The following CHD8 variants were observed in gnomAD, a reference collection of about 807,000 sequenced individuals.
The protein encoded by CHD8 is chromodomain helicase DNA binding protein 8.
Under a neutral mutation model 279.2 loss-of-function variants are expected in CHD8, and 31 were observed. That is an observed-to-expected ratio of 0.11 (90% CI 0.08 to 0.15). The LOEUF (loss-of-function observed/expected upper bound fraction) is 0.15. Ranked by LOEUF, CHD8 falls within the 10% of genes least tolerant of loss-of-function variation. The pLI is 1.00. For synonymous variants in CHD8, 1,081 were observed against 1,139.6 expected (o/e 0.95, Z 1.04); for missense variants, 2,146 against 3,230.5 (o/e 0.66, Z 8.14).
intron 21 of CHD8, 38 bp from the exon 22 acceptor site, chr14:21,401,109 G>C (rs1167871278): frequency 6.9e-6 from 10 of 1,448,278 alleles, no homozygotes; most frequent in Middle Eastern, 3.5e-4. Context: ...TTCTCTTCCT[G>C]ATTTGCTCAT....
chr14:21,405,864 C>T lies in CHD8; in HGVS notation c.2908G>A (p.Glu970Lys), dbSNP rs1555315362. Residue 970 changes from glutamate to lysine, a missense_variant and splice_region_variant, in exon 15 of 38, where the codon GAA becomes AAA. Glu to Lys is a moderately conservative substitution (Grantham distance 56). This residue lies in a region of CHD8 where 211 missense variants were observed against 464.7 expected (regional missense o/e 0.45). Coordinates refer to ENST00000646647, the MANE Select transcript of CHD8 (RefSeq NM_001170629.2). This position sits in a 1 kb window ranked among gnomAD's most constrained non-coding sequence, Gnocchi z 4.2. ...LLDSLKHMDLEHKVLLTGTPL... is the reference protein window; with the variant it reads ...LLDSLKHMDLKHKVLLTGTPL... Reference sequence around the variant, plus strand: ...GTTCCTGTGAGTAGCACCTTGTGTTCCTAGAAATGGAGGAAACAAAAGAAT... The same window carrying T: ...GTTCCTGTGAGTAGCACCTTGTGTTTCTAGAAATGGAGGAAACAAAAGAAT... The T allele has an allele frequency of 6.2e-7, 1 of 1,604,772 alleles. No individual in the cohort carries two copies. The highest frequency in any genetic ancestry group is 8.5e-7 in the Non-Finnish European group (1 of 1,176,446).
intron 1 of CHD8, among the ~76,000 whole-genome samples, chr14:21,452,840 C>T (rs1316792570): frequency 1.3e-5 from 2 of 149,610 alleles, no homozygotes; most frequent in Admixed American, 6.6e-5. Context: ...AAAAATTAGC[C>T]GGGCATGGTG....
chr14:21,414,884 T>C, intron 8 of CHD8, 54 bp downstream of exon 8: 1 of 1,446,218 alleles, frequency 6.9e-7, no homozygotes, highest in Non-Finnish European at 9.6e-7. Flanking sequence ...CCAGGAGAAC[T>C]TTTTACCACC....
chr14:21,407,190 A>G (rs1167677437), intron 13 of CHD8, among the ~76,000 whole-genome samples, 158 bp from the exon 14 acceptor site: 6 of 152,224 alleles, frequency 3.9e-5, no homozygotes, highest in East Asian at 1.9e-4. Context: ...AAATAGTGCC[A>G]TATCACTGAA....
chr14:21,434,194 C>T (rs1404295871), intron 1 of CHD8, among the ~76,000 whole-genome samples: 2 of 151,804 alleles, frequency 1.3e-5, no homozygotes, highest in Admixed American at 6.6e-5. Flanking sequence ...TACAGGCCTG[C>T]GCCACCACAC....
At chr14:21,428,853 G>T in intron 3 of CHD8, 111 bp downstream of exon 3, 1 of 914,794 alleles carries the variant, frequency 1.1e-6, no homozygotes. Flanking sequence ...TCAGTTCAGA[G>T]ATATAAATCT....
chr14:21,402,330 A>G lies in CHD8; in HGVS notation c.3882+6T>C, dbSNP rs373037739. 1.0e-4 allele frequency: 165 copies of G among 1,613,734 alleles called. 1 individual carries two copies. The African/African-American group carries it at 1.8e-3, about 18-fold the overall frequency. On this transcript the variant is annotated splice_donor_region_variant and intron_variant, in intron 19 of 37. Coordinates refer to ENST00000646647, the MANE Select transcript of CHD8 (RefSeq NM_001170629.2). The surrounding 1 kb of genome is among the most constrained non-coding windows in gnomAD (Gnocchi z 4.5). ...ACAAACTTATCTATAAACTAAGAGG[A>G]CTCACTCCAGTAATGTTGCCATCCC...
At chr14:21,407,631 C>T (rs1056322100) in intron 13 of CHD8, among the ~76,000 whole-genome samples, 3 of 151,458 alleles carry the variant, frequency 2.0e-5, no homozygotes, top group Non-Finnish European at 2.9e-5. Flanking sequence ...TTTTTTGAGA[C>T]ACAGTCTCAC....
At position 21,431,696 on chromosome 14, in the gene CHD8, G is replaced by T. The variant is rs938495101; in HGVS notation, c.-53C>A. On this transcript the variant is annotated 5_prime_UTR_variant, in exon 2 of 38. Transcript: ENST00000646647. ...CCAAGGTCTAGGGAGGGAAGGGGAG[G>T]GGGGGTACTGGCTCTCCCCTCCCCT... 81 of 1,594,962 alleles carry T rather than the reference G, an allele frequency of 5.1e-5. No homozygotes were observed. The highest frequency in any genetic ancestry group is 4.0e-4 in the East Asian group (18 of 44,502).
At chr14:21,387,254 G>C (rs1390115570) in intron 37 of CHD8, among the ~76,000 whole-genome samples, 1 of 151,472 alleles carries the variant, frequency 6.6e-6, no homozygotes, top group African/African-American at 2.4e-5. Context: ...GGGAGGCTGA[G>C]GCAGGTGGAT....
rs56229026 is a variant in CHD8, at chr14:21,399,870, T to C, written c.4817+111A>G. On this transcript the variant is annotated intron_variant, in intron 25 of 37. Transcript: ENST00000646647. Reference sequence around the variant, plus strand: ...CAAGTATAAGATTAAAGACCTGATATATAGATTTAAATTATCAGGTATCCC... The same window carrying C: ...CAAGTATAAGATTAAAGACCTGATACATAGATTTAAATTATCAGGTATCCC... The C allele has an allele frequency of 5.2e-3, 5,448 of 1,052,602 alleles. 199 individuals carry two copies. The African/African-American group carries it at 0.074, about 14-fold the overall frequency. The allele number at this position is 1,052,602 out of a possible 1,614,324, so 65.2% of individuals were successfully genotyped here. A position where few individuals can be genotyped will look rare whatever the true frequency, so the allele number is the denominator to read the frequency against.
At position 21,430,840 on chromosome 14, in the gene CHD8, T is replaced by G. The variant is rs559205103; in HGVS notation, c.804A>C (p.Pro268=). Reference sequence around the variant, plus strand: ...AGGTCAGTGTAACTGCAGGCTTCAGTGGGGGCCCTGTGGCCCCAGGGTTTC... The same window carrying G: ...AGGTCAGTGTAACTGCAGGCTTCAGGGGGGGCCCTGTGGCCCCAGGGTTTC... ...PAGNPGATGP[P]LKPAVTLTST... The change falls in exon 2 of 38, where the codon CCA becomes CCC. Residue 268 remains proline (P), a synonymous_variant. Transcript: ENST00000646647. The G allele has an allele frequency of 2.9e-5, 47 of 1,599,118 alleles. No homozygotes were observed. In the East Asian group the frequency reaches 1.0e-3, roughly 34 times the overall value.
chr14:21,447,214 G>C (rs1890143856), intron 1 of CHD8, among the ~76,000 whole-genome samples: 1 of 152,124 alleles, frequency 6.6e-6, no homozygotes, highest in Admixed American at 6.6e-5. Flanking sequence ...AAAGCAAAAG[G>C]GGTTGTATGG....
At chr14:21,395,145 AG>A (rs755832009) in intron 29 of CHD8, 26 bp from the exon 30 acceptor site, 21 of 1,604,592 alleles carry the variant, frequency 1.3e-5, no homozygotes, top group Non-Finnish European at 1.8e-5. Flanking sequence ...TAGAATGAAT[AG>A]GAAGTATAGC....
At chr14:21,455,372 G>A (rs983188902) in intron 1 of CHD8, among the ~76,000 whole-genome samples, 10 of 152,082 alleles carry the variant, frequency 6.6e-5, no homozygotes, top group Admixed American at 5.9e-4. Context: ...CAGGGGGAAG[G>A]GTCTTCTATC....
chr14:21,393,133 T>A lies in CHD8; in HGVS notation c.6441A>T (p.Glu2147Asp). The A allele has an allele frequency of 6.2e-7, 1 of 1,613,930 alleles. No homozygotes were observed. Among genetic ancestry groups the A allele is most frequent in the East Asian group, 2.2e-5 (1 of 44,880 alleles). ...TGGGCCACTCAGAGGCTCTTTGTCT[T>A]TCCTGCAGTAGCAGAAGCTCAGGGG... Reference protein sequence around the residue: ...QMTPELLLLQERQRASEWPKD... With the variant: ...QMTPELLLLQDRQRASEWPKD... Residue 2147 changes from glutamate to aspartate, a missense_variant, in exon 33 of 38, where the codon GAA becomes GAT. Glu to Asp is a conservative substitution (Grantham distance 45). Coordinates refer to ENST00000646647, the MANE Select transcript of CHD8 (RefSeq NM_001170629.2).
intron 27 of CHD8, chr14:21,396,769 G>C (rs1172103810): frequency 1.3e-5 from 2 of 152,058 alleles, no homozygotes; most frequent in African/African-American, 2.4e-5. Context: ...TACAGACGGG[G>C]TTTCACCTTA....
Position 21,394,965 on chromosome 14 carries a change from A to ACGC in CHD8, c.5334_5336dup (p.Arg1779dup), listed in dbSNP as rs1887713618. 1 of 1,613,810 alleles carries ACGC rather than the reference A, an allele frequency of 6.2e-7. No individual in the cohort carries two copies. The highest frequency in any genetic ancestry group is 1.1e-5 in the South Asian group (1 of 91,074). On this transcript the variant is annotated inframe_insertion, in exon 30 of 38. Coordinates refer to ENST00000646647, the MANE Select transcript of CHD8 (RefSeq NM_001170629.2). ...CTTTCAGCTTGAAGGCTGCTTCACAACGCCGCCTTCGCCGGTCCCCACGTT... is the reference window on the plus strand; with the variant it reads ...CTTTCAGCTTGAAGGCTGCTTCACAACGCCGCCGCCTTCGCCGGTCCCCACGTT...
In CHD8 at chr14:21,385,955, T is replaced by C. The variant is rs1465103389; in HGVS notation, c.7404A>G (p.Ala2468=). ...SSLGHSSATS[A]SLPFMPFVMG... ...TCACAAATGGCATAAAAGGCAAAGA[T>C]GCAGAAGTGGCACTGCTGTGACCCA... Residue 2468 remains alanine, a synonymous_variant, in exon 38 of 38, where the codon GCA becomes GCG. Coordinates refer to ENST00000646647, the MANE Select transcript of CHD8 (RefSeq NM_001170629.2). The C allele has an allele frequency of 1.3e-6, 2 of 1,559,230 alleles. No homozygotes were observed. Among genetic ancestry groups the C allele is most frequent in the South Asian group, 2.4e-5 (2 of 84,452 alleles).
Sources: gnomAD v4.1 joint callset for allele counts (sites outside exome capture counted in the v4.1 genomes callset) on GRCh38, gnomAD v4.1.1 for gene constraint, gnomAD v4.1.1 regional missense constraint, Gnocchi (gnomAD v3.1) non-coding constraint, MANE v1.5 for transcripts, NCBI Gene and HGNC (gene_info 2026-07-23, HGNC 2026-07-21) for gene names.